MTDH: variants seen among roughly 807,000 people sequenced by gnomAD.
MTDH encodes the protein protein LYRIC.
MTDH carries 34 observed loss-of-function variants against 72.7 expected under a neutral mutation model. The ratio of observed to expected loss-of-function variants is 0.47; its 90% CI spans 0.36 to 0.62. The LOEUF (loss-of-function observed/expected upper bound fraction) is 0.62, where lower values mean the gene tolerates loss of function less well. MTDH is among the 20% of genes least tolerant of loss of function. MTDH has a pLI of 0.00. For missense variants in MTDH, 677 were observed against 699.4 expected, an observed-to-expected ratio of 0.97 and a Z score of 0.36; for synonymous variants, 266 against 268.9, an observed-to-expected ratio of 0.99 and a Z score of 0.10.
intron 2 of MTDH, among the ~76,000 whole-genome samples, chr8:97,668,004 A>G (rs1055406644): frequency 4.6e-5 from 7 of 152,028 alleles, no homozygotes; most frequent in African/African-American, 1.7e-4. Flanking sequence ...TGGAAGATCT[A>G]CCGCCAGGCG....
chr8:97,663,279 T>G (rs1812244802), intron 2 of MTDH, among the ~76,000 whole-genome samples: 1 of 152,192 alleles, frequency 6.6e-6, no homozygotes, highest in Non-Finnish European at 1.5e-5. Context: ...GTTTAAAGTT[T>G]ATCATCATTA....
intron 2 of MTDH, among the ~76,000 whole-genome samples, chr8:97,680,709 TTGAG>T (rs1168452175): frequency 6.6e-6 from 1 of 152,308 alleles, no homozygotes; most frequent in South Asian, 2.1e-4. Flanking sequence ...TTCTGATACA[TTGAG>T]TGATGTCTGT....
intron 8 of MTDH, 73 bp downstream of exon 8, chr8:97,706,823 T>C (rs1215657492): frequency 6.6e-7 from 1 of 1,505,550 alleles, no homozygotes; most frequent in Non-Finnish European, 8.9e-7. Flanking sequence ...CTCACGCCTA[T>C]GATTCCAGCA....
intron 7 of MTDH, among the ~76,000 whole-genome samples, chr8:97,703,662 T>C (rs914067355): frequency 1.3e-5 from 2 of 152,232 alleles, no homozygotes; most frequent in Non-Finnish European, 2.9e-5. Context: ...TCCAGACATC[T>C]ACTAGACTGA....
At chr8:97,716,471 C>CCT (rs1217379950) in intron 9 of MTDH, among the ~76,000 whole-genome samples, 2 of 151,902 alleles carry the variant, frequency 1.3e-5, no homozygotes, top group African/African-American at 4.8e-5. Context: ...GGGTGGATCA[C>CCT]AAGGTCAGGA....
intron 2 of MTDH, among the ~76,000 whole-genome samples, chr8:97,668,433 G>C (rs1210646424): frequency 6.6e-6 from 1 of 152,064 alleles, no homozygotes; most frequent in Non-Finnish European, 1.5e-5. Flanking sequence ...AGGATCTCCT[G>C]AGGGCTGTGT....
At position 97,724,720 on chromosome 8, in the gene MTDH, A is replaced by G; in HGVS notation, c.*50A>G. On this transcript the variant is annotated 3_prime_UTR_variant, in exon 12 of 12. Transcript: ENST00000336273. ...GTGTTTGCAAACACTTGTCTTGAAG[A>G]TTATGCTGTTTATGCAATAATTTGT... The G allele has an allele frequency of 1.4e-6, 2 of 1,392,714 alleles. No individual in the cohort carries two copies. Among genetic ancestry groups the G allele is most frequent in the Non-Finnish European group, 2.0e-6 (2 of 1,015,412 alleles). The allele number at this position is 1,392,714 out of a possible 1,614,324, so 86.3% of individuals were successfully genotyped here.
At chr8:97,647,936 T>C (rs992898322) in intron 1 of MTDH, among the ~76,000 whole-genome samples, 6 of 150,118 alleles carry the variant, frequency 4.0e-5, no homozygotes, top group Admixed American at 4.0e-4. Flanking sequence ...ACAGCAAGAC[T>C]CTGTCTCCTA....
At chr8:97,670,949 G>GTT (rs1812591406) in intron 2 of MTDH, among the ~76,000 whole-genome samples, 17 of 115,118 alleles carry the variant, frequency 1.5e-4, no homozygotes, top group African/African-American at 5.5e-4. Flanking sequence ...TGTTGTTGTT[G>GTT]TTGTTTTTTT....
intron 6 of MTDH, among the ~76,000 whole-genome samples, chr8:97,692,730 T>A (rs1333926033): frequency 6.6e-6 from 1 of 151,798 alleles, no homozygotes. Flanking sequence ...TGTTTGGGAT[T>A]TTTTTGTTGT....
rs145979793 is a variant in MTDH at position 97,704,892 on chromosome 8, A to G, written c.1148-1734A>G. ...GTACTAAATAAGAGTAATGCAAACA[A>G]ATTTGTCCTTCTAGATATAAAAATG... On this transcript the variant is annotated intron_variant, in intron 7 of 11. Transcript: ENST00000336273. Among the ~76,000 whole-genome samples, 394 of 152,344 alleles carry G rather than the reference A, an allele frequency of 2.6e-3. 2 individuals are homozygous for G. Among genetic ancestry groups the G allele is most frequent in the African/African-American group, 9.0e-3 (373 of 41,588 alleles).
At chr8:97,687,262 T>C (rs997632061) in intron 3 of MTDH, among the ~76,000 whole-genome samples, 167 bp from the exon 4 acceptor site, 2 of 152,146 alleles carry the variant, frequency 1.3e-5, no homozygotes, top group African/African-American at 4.8e-5. Context: ...ATAATGAAAT[T>C]AGAAAACATT....
intron 7 of MTDH, chr8:97,706,376 G>C (rs1814352137): frequency 4.2e-6 from 1 of 235,432 alleles, no homozygotes. Flanking sequence ...AGCACAGAGA[G>C]TGGAATCAAA....
chr8:97,715,797 TC>T (rs1814844681), intron 9 of MTDH, among the ~76,000 whole-genome samples: 1 of 152,214 alleles, frequency 6.6e-6, no homozygotes, highest in Non-Finnish European at 1.5e-5. Context: ...TTAGTGGAGC[TC>T]CTTTTAAAAT....
In MTDH at chr8:97,727,067, C is replaced by G. The variant is rs549841244; in HGVS notation, c.*2397C>G. 1.2e-4 allele frequency: 18 copies of G among 147,228 alleles called. No homozygotes were observed. The highest frequency in any genetic ancestry group is 1.2e-3 in the Admixed American group (17 of 14,776). The allele number at this position is 147,228 out of a possible 1,614,324, so 9.1% of individuals were successfully genotyped here. ...CTCCAGCCTGGGCAACAGAAGGAGACTCCGTCTCAAAAAAAAAAAAAAGAT... is the reference window on the plus strand; with the variant it reads ...CTCCAGCCTGGGCAACAGAAGGAGAGTCCGTCTCAAAAAAAAAAAAAAGAT... On this transcript the variant is annotated 3_prime_UTR_variant, in exon 12 of 12. Coordinates refer to ENST00000336273, the MANE Select transcript of MTDH (RefSeq NM_178812.4).
chr8:97,661,469 A>T (rs1812169638), intron 2 of MTDH, among the ~76,000 whole-genome samples: 4 of 152,174 alleles, frequency 2.6e-5, no homozygotes, highest in African/African-American at 9.7e-5. Flanking sequence ...TCAGATATAT[A>T]ACATATATAC....
At chr8:97,718,976 A>G in intron 9 of MTDH, 73 bp from the exon 10 acceptor site, 1 of 1,401,616 alleles carries the variant, frequency 7.1e-7, no homozygotes, top group Non-Finnish European at 9.7e-7. Flanking sequence ...GATTACAGCC[A>G]TACACCACCA....
intron 6 of MTDH, among the ~76,000 whole-genome samples, chr8:97,697,280 G>A (rs571650620): frequency 1.0e-4 from 15 of 149,538 alleles, no homozygotes; most frequent in South Asian, 6.4e-4. Flanking sequence ...ATTGTGGGCC[G>A]TGCAGCCTCT....
chr8:97,682,634 T>C (rs1272129359), intron 2 of MTDH, among the ~76,000 whole-genome samples: 1 of 151,940 alleles, frequency 6.6e-6, no homozygotes, highest in African/African-American at 2.4e-5. Context: ...AGTAGTAATA[T>C]CAAATAATAT....
Sources: gnomAD v4.1 joint callset for allele counts (sites outside exome capture counted in the v4.1 genomes callset) on GRCh38, gnomAD v4.1.1 for gene constraint, MANE v1.5 for transcripts, NCBI Gene and HGNC (gene_info 2026-07-23, HGNC 2026-07-21) for gene names.